DNAH5: variants seen among roughly 807,000 people sequenced by gnomAD.
The protein encoded by DNAH5 is axonemal beta dynein heavy chain 5.
DNAH5 carries 372 observed loss-of-function variants against 518.2 expected under a neutral mutation model. The observed-to-expected ratio is 0.72, with a 90% CI of 0.66 to 0.78. The LOEUF is 0.78. Ranked by LOEUF, DNAH5 falls within the 30% of genes least tolerant of loss-of-function variation. The pLI is 0.00. For missense variants in DNAH5, 5,523 were observed against 5,687.0 expected (o/e 0.97, Z 0.93); for synonymous variants, 2,039 against 2,025.9 (o/e 1.01, Z -0.17).
rs1742923614 is a variant in DNAH5 at position 13,707,301 on chromosome 5, C to T, written c.13338+822G>A. ...CCACCTTGCTGAGAGCAACTTCCAC[C>T]ACTCAATAAAACCTTGCACCCGACC... On this transcript the variant is annotated intron_variant, in intron 76 of 78. Coordinates refer to ENST00000265104, the MANE Select transcript of DNAH5 (RefSeq NM_001369.3). The surrounding 1 kb of genome is among the most constrained non-coding windows in gnomAD (Gnocchi z 4.0). Among the ~76,000 whole-genome samples the T allele has an allele frequency of 6.6e-6, 1 of 152,208 alleles. No homozygotes were observed. The highest frequency in any genetic ancestry group is 1.5e-5 in the Non-Finnish European group (1 of 68,042).
intron 30 of DNAH5, among the ~76,000 whole-genome samples, chr5:13,857,981 C>T (rs7716223): frequency 0.38 from 57,075 of 151,956 alleles, 10,978 homozygotes; most frequent in South Asian, 0.47. Flanking sequence ...ACACCAAAAG[C>T]AATTGCAACA....
chr5:13,867,691 A>G, intron 25 of DNAH5, 83 bp downstream of exon 25: 1 of 1,089,342 alleles, frequency 9.2e-7, no homozygotes, highest in East Asian at 2.4e-5. Flanking sequence ...ACAGAAATTT[A>G]CCCATAATTT....
chr5:13,818,153 T>A (rs1761704465), intron 41 of DNAH5, among the ~76,000 whole-genome samples: 1 of 152,242 alleles, frequency 6.6e-6, no homozygotes, highest in Non-Finnish European at 1.5e-5. Flanking sequence ...TTTGCATGAA[T>A]CAAGGACTTT....
chr5:13,704,262 G>A (rs992198703), intron 76 of DNAH5, among the ~76,000 whole-genome samples: 7 of 152,142 alleles, frequency 4.6e-5, no homozygotes, highest in African/African-American at 1.7e-4. Context: ...ACTGGGGGTA[G>A]CAGGGGGAAA....
intron 65 of DNAH5, among the ~76,000 whole-genome samples, chr5:13,750,111 T>C (rs1750009146): frequency 1.3e-5 from 2 of 151,948 alleles, no homozygotes; most frequent in South Asian, 4.2e-4. Flanking sequence ...GAGATAGACA[T>C]GTGGTAGGGC....
At chr5:13,745,718 T>C (rs1749237400) in intron 65 of DNAH5, among the ~76,000 whole-genome samples, 1 of 152,118 alleles carries the variant, frequency 6.6e-6, no homozygotes, top group South Asian at 2.1e-4. Context: ...AGATTCAGCC[T>C]CTGTTTCAGC....
chr5:13,865,006 C>CTTTTTT (rs70964512), intron 27 of DNAH5, among the ~76,000 whole-genome samples: 1 of 124,962 alleles, frequency 8.0e-6, no homozygotes, highest in Admixed American at 8.5e-5. Context: ...ACAAATAGCT[C>CTTTTTT]TTTTTTTTTT....
chr5:13,786,874 G>T (rs992361715), intron 51 of DNAH5, among the ~76,000 whole-genome samples: 2 of 152,076 alleles, frequency 1.3e-5, no homozygotes, highest in African/African-American at 2.4e-5. Context: ...AAGCATATTC[G>T]ATTATTTCAC....
Position 13,839,425 on chromosome 5 carries a change from A to G in DNAH5, c.5813T>C (p.Val1938Ala), listed in dbSNP as rs1483543039. ...AAATTCATTCTGGTATATGAACGCC[A>G]CATCTGTGATGTGAATCATCATCTT... The part of the protein sequence containing the change: ...SDKMMIHITD[V>A]AFIYQNEFLG... The change falls in exon 35 of 79, where the codon GTG becomes GCG. Residue 1938 changes from valine to alanine, a missense_variant. Val to Ala is a moderately conservative substitution (Grantham distance 64). Coordinates refer to ENST00000265104, the MANE Select transcript of DNAH5 (RefSeq NM_001369.3). The G allele has an allele frequency of 3.1e-6, 5 of 1,614,030 alleles. No homozygotes were observed. The highest frequency in any genetic ancestry group is 4.2e-6 in the Non-Finnish European group (5 of 1,179,882).
chr5:13,841,936 A>AAAAAG, intron 32 of DNAH5, 32 bp from the exon 33 acceptor site: 2 of 1,072,908 alleles, frequency 1.9e-6, no homozygotes, highest in South Asian at 1.4e-5. Context: ...AAAAAAAAAA[A>AAAAAG]AGCTATAGTC....
At chr5:13,946,764 T>C (rs979736833), upstream of DNAH5, among the ~76,000 whole-genome samples, 3 of 152,192 alleles carry the variant, frequency 2.0e-5, no homozygotes, top group Admixed American at 6.5e-5. Flanking sequence ...ATGGACCTCA[T>C]GTGGGCGGAA....
At chr5:13,978,371 G>T (rs1380307273) in intron 1 of DNAH5, among the ~76,000 whole-genome samples, 1 of 152,242 alleles carries the variant, frequency 6.6e-6, no homozygotes, top group African/African-American at 2.4e-5. Context: ...ACTTCTTCCA[G>T]TCAGTTGAAG....
At chr5:13,998,069 C>T (rs1477156682) in intron 1 of DNAH5, among the ~76,000 whole-genome samples, 1 of 152,120 alleles carries the variant, frequency 6.6e-6, no homozygotes, top group Non-Finnish European at 1.5e-5. Flanking sequence ...GTCTTGAACT[C>T]CTGACCTCAG....
chr5:13,721,573 G>A (rs757221819), intron 70 of DNAH5, among the ~76,000 whole-genome samples: 1 of 152,150 alleles, frequency 6.6e-6, no homozygotes, highest in Non-Finnish European at 1.5e-5. Flanking sequence ...TGTTTAGGAT[G>A]CTCTAAGGCA....
chr5:13,774,189 T>G (rs1753748712), intron 55 of DNAH5, among the ~76,000 whole-genome samples: 1 of 151,998 alleles, frequency 6.6e-6, no homozygotes, highest in Admixed American at 6.6e-5. Flanking sequence ...AGAAAGCTAT[T>G]TGGGTTTTCC....
At chr5:13,769,213 ATTTGTTGAT>A in intron 57 of DNAH5, 77 bp from the exon 58 acceptor site, 3 of 1,357,826 alleles carry the variant, frequency 2.2e-6, no homozygotes, top group Non-Finnish European at 3.1e-6. Context: ...TTTTGCCTTG[ATTTGTTGAT>A]TTTGTTCACT....
At chr5:13,787,171 T>A (rs1464487650) in intron 51 of DNAH5, among the ~76,000 whole-genome samples, 3 of 146,166 alleles carry the variant, frequency 2.1e-5, no homozygotes, top group African/African-American at 7.7e-5. Flanking sequence ...CAAGCCTGCA[T>A]CCAGCCTGGG....
At chr5:13,743,375 A>G (rs1037736057) in intron 65 of DNAH5, among the ~76,000 whole-genome samples, 2 of 152,098 alleles carry the variant, frequency 1.3e-5, no homozygotes, top group Admixed American at 6.6e-5. Context: ...TAAAACTACT[A>G]GAAGAAAACA....
At position 13,768,985 on chromosome 5, in the gene DNAH5, A is replaced by C; in HGVS notation, c.9872T>G (p.Leu3291Ter). ...EEKLEAAKPA[L>*]EEAEAALQTI... is the part of the protein sequence containing the mutation. ...CTGCAATGCAGCTTCTGCCTCTTCT[A>C]AAGCTGGTTTTGCTGCTTCCAGTTT... Residue 3291 changes from leucine to a stop codon, truncating the protein, a stop_gained, in exon 58 of 79, where the codon TTA becomes TGA. Transcript: ENST00000265104. LOFTEE classifies it high-confidence loss of function. 6.2e-7 allele frequency: 1 copy of C among 1,614,158 alleles called. No individual in the cohort carries two copies. The highest frequency in any genetic ancestry group is 8.5e-7 in the Non-Finnish European group (1 of 1,180,002).
Sources: gnomAD v4.1 joint callset for allele counts (sites outside exome capture counted in the v4.1 genomes callset) on GRCh38, gnomAD v4.1.1 for gene constraint, Gnocchi (gnomAD v3.1) non-coding constraint, MANE v1.5 for transcripts, NCBI Gene and HGNC (gene_info 2026-07-23, HGNC 2026-07-21) for gene names.